IFT88: variants seen among roughly 807,000 people sequenced by gnomAD.
IFT88 encodes intraflagellar transport 88.
A neutral mutation model predicts 119.5 loss-of-function variants in IFT88; 74 were observed. The observed-to-expected ratio is 0.62, with a 90% CI of 0.51 to 0.75. The LOEUF (loss-of-function observed/expected upper bound fraction) is 0.75, where lower values mean the gene tolerates loss of function less well. IFT88 is among the 30% of genes least tolerant of loss of function. The pLI is 0.00. For missense variants in IFT88, 961 were observed against 977.7 expected, an observed-to-expected ratio of 0.98 and a Z score of 0.23; for synonymous variants, 279 against 316.7, an observed-to-expected ratio of 0.88 and a Z score of 1.26.
At chr13:20,569,504 C>T (rs535030871) in intron 1 of IFT88, among the ~76,000 whole-genome samples, 155 of 150,756 alleles carry the variant, frequency 1.0e-3, no homozygotes, top group Non-Finnish European at 1.6e-3. Flanking sequence ...ACTCGGGAGG[C>T]GGAGCTTTCA....
intron 14 of IFT88, 47 bp from the exon 15 acceptor site, chr13:20,625,703 T>C (rs777580361): frequency 7.6e-7 from 1 of 1,314,530 alleles, no homozygotes; most frequent in Admixed American, 2.0e-5. Flanking sequence ...ACAGCATCAA[T>C]ATACTAAAAC....
At chr13:20,568,746 C>T (rs953566817) in intron 1 of IFT88, among the ~76,000 whole-genome samples, 4 of 151,946 alleles carry the variant, frequency 2.6e-5, no homozygotes, top group East Asian at 3.9e-4. Flanking sequence ...GAGACGGAGT[C>T]GCACGCTCTG....
Position 20,597,031 on chromosome 13 carries a change from A to G in IFT88, c.506A>G (p.Lys169Arg). The G allele has an allele frequency of 6.2e-7, 1 of 1,602,118 alleles. No homozygotes were observed. Among genetic ancestry groups the G allele is most frequent in the East Asian group, 2.2e-5 (1 of 44,476 alleles). Residue 169 changes from lysine (K) to arginine (R), a missense_variant, in exon 9 of 26, where the codon AAA becomes AGA. Lys to Arg is a conservative substitution (Grantham distance 26, BLOSUM62 2). Coordinates refer to ENST00000351808, the MANE Select transcript of IFT88 (RefSeq NM_006531.5). Reference protein sequence around the residue: ...GDLKLALEKAKDAGRKERVLV... With the variant: ...GDLKLALEKARDAGRKERVLV... ...TGATTTCAGGCCTTAGAAAAGGCAA[A>G]AGATGCAGGAAGAAAAGAGAGAGTC...
Position 20,663,274 on chromosome 13 carries a change from G to T in IFT88, c.2069-224G>T, listed in dbSNP as rs17055251. 6.8e-6 allele frequency: 10 copies of T among 1,468,396 alleles called. No individual in the cohort carries two copies. In the Admixed American group the frequency reaches 1.8e-4, roughly 27 times the overall value. The allele number at this position is 1,468,396 out of a possible 1,614,324, so 91.0% of individuals were successfully genotyped here. A position where few individuals can be genotyped will look rare whatever the true frequency, so the allele number is the denominator to read the frequency against. On this transcript the variant is annotated intron_variant, in intron 22 of 25. Transcript: ENST00000351808. ...CATGTTCCTTCTAGGTTCTGGCAGC[G>T]TGAGGACAGGACACATGGAGAGAGA... is the stretch of plus-strand genomic sequence containing the variant.
chr13:20,653,698 C>T (rs1226121363), intron 20 of IFT88, among the ~76,000 whole-genome samples, 178 bp from the exon 21 acceptor site: 1 of 152,012 alleles, frequency 6.6e-6, no homozygotes, highest in African/African-American at 2.4e-5. Flanking sequence ...ATTTATATGT[C>T]CTGATATAAA....
intron 2 of IFT88, among the ~76,000 whole-genome samples, chr13:20,575,370 G>T (rs2037178227): frequency 6.6e-6 from 1 of 152,078 alleles, no homozygotes; most frequent in Non-Finnish European, 1.5e-5. Flanking sequence ...AGACACTTAG[G>T]TTGCTTCCAA....
chr13:20,650,423 G>A (rs900507680), intron 20 of IFT88, among the ~76,000 whole-genome samples: 2 of 152,022 alleles, frequency 1.3e-5, no homozygotes, highest in African/African-American at 4.8e-5. Context: ...ATTCAACACC[G>A]CTTTGTGATA....
At chr13:20,609,415 C>T (rs978858007) in intron 13 of IFT88, among the ~76,000 whole-genome samples, 7 of 152,238 alleles carry the variant, frequency 4.6e-5, no homozygotes, top group Non-Finnish European at 8.8e-5. Context: ...AGAGGAGGAG[C>T]GAACACTGCA....
At chr13:20,669,467 A>G (rs1038022375) in intron 23 of IFT88, among the ~76,000 whole-genome samples, 1 of 147,636 alleles carries the variant, frequency 6.8e-6, no homozygotes, top group African/African-American at 2.5e-5. Context: ...TCTGTCGCCC[A>G]GGCTGGCATA....
At chr13:20,655,484 TTATC>T (rs1361833227) in intron 21 of IFT88, among the ~76,000 whole-genome samples, 1 of 149,988 alleles carries the variant, frequency 6.7e-6, no homozygotes, top group African/African-American at 2.5e-5. Context: ...ATTTATTTAT[TTATC>T]CATTCATTCA....
intron 13 of IFT88, among the ~76,000 whole-genome samples, chr13:20,615,485 C>T (rs1333585020): frequency 1.3e-5 from 2 of 152,250 alleles, no homozygotes; most frequent in African/African-American, 2.4e-5. Context: ...GTGTAGGCTA[C>T]GTAAGTTCCG....
chr13:20,617,538 A>G (rs1472728220), intron 14 of IFT88, among the ~76,000 whole-genome samples: 1 of 152,206 alleles, frequency 6.6e-6, no homozygotes. Flanking sequence ...CAAGTCCTAG[A>G]TAAGTAAATC....
chr13:20,625,634 T>G (rs1050735653), intron 14 of IFT88, 116 bp from the exon 15 acceptor site: 4 of 627,092 alleles, frequency 6.4e-6, no homozygotes, highest in African/African-American at 1.9e-5. Flanking sequence ...AGTGCTTACC[T>G]TTACAGAGTA....
At chr13:20,670,146 C>T (rs181810087) in intron 23 of IFT88, among the ~76,000 whole-genome samples, 139 of 152,198 alleles carry the variant, frequency 9.1e-4, no homozygotes, top group Middle Eastern at 3.4e-3. Flanking sequence ...ATGTTTATGT[C>T]TTATGTTTAT....
At chr13:20,617,966 A>C (rs1412126789) in intron 14 of IFT88, among the ~76,000 whole-genome samples, 2 of 152,068 alleles carry the variant, frequency 1.3e-5, no homozygotes, top group Non-Finnish European at 1.5e-5. Flanking sequence ...TTGTATTTTT[A>C]GTAGAGACAG....
At position 20,691,178 on chromosome 13, in the gene IFT88, T is replaced by A. The variant is rs773584486; in HGVS notation, c.*3T>A. 14 of 1,611,154 alleles carry A rather than the reference T, an allele frequency of 8.7e-6. No individual in the cohort carries two copies. The highest frequency in any genetic ancestry group is 2.2e-5 in the East Asian group (1 of 44,850). On this transcript the variant is annotated 3_prime_UTR_variant, in exon 26 of 26. Coordinates refer to ENST00000351808, the MANE Select transcript of IFT88 (RefSeq NM_006531.5). The stretch of plus-strand genomic sequence containing the variant: ...GAGATGATTTGCTTCCAGAATAATA[T>A]TCACTTTAATATTTATTAAAGGAAA...
Position 20,666,873 on chromosome 13 carries a change from C to T in IFT88, c.2175+3269C>T, listed in dbSNP as rs567938979. On this transcript the variant is annotated intron_variant, in intron 23 of 25. Transcript: ENST00000351808. ...CCACTTAGACATCACTGTTATCATTCCCCTTTCCCAGGCATTTTTACAAAT... is the reference window on the plus strand; with the variant it reads ...CCACTTAGACATCACTGTTATCATTTCCCTTTCCCAGGCATTTTTACAAAT... Among the ~76,000 whole-genome samples the T allele has an allele frequency of 2.0e-5, 3 of 152,324 alleles. No individual in the cohort carries two copies. The East Asian group carries it at 5.8e-4, about 29-fold the overall frequency.
At chr13:20,587,619 A>AT (rs1292862549) in intron 3 of IFT88, among the ~76,000 whole-genome samples, 7 of 151,602 alleles carry the variant, frequency 4.6e-5, no homozygotes, top group South Asian at 2.1e-4. Flanking sequence ...GTGGGTTTGT[A>AT]TTTTTTTTAG....
intron 24 of IFT88, among the ~76,000 whole-genome samples, chr13:20,673,033 T>C (rs1284088161): frequency 6.6e-6 from 1 of 152,180 alleles, no homozygotes; most frequent in African/African-American, 2.4e-5. Flanking sequence ...GTACGTGATA[T>C]CAGCTCTCTT....
Sources: gnomAD v4.1 joint callset for allele counts (sites outside exome capture counted in the v4.1 genomes callset) on GRCh38, gnomAD v4.1.1 for gene constraint, MANE v1.5 for transcripts, NCBI Gene and HGNC (gene_info 2026-07-23, HGNC 2026-07-21) for gene names.